The following STPG2 variants were observed in gnomAD, a reference collection of about 807,000 sequenced individuals.
STPG2 encodes the protein sperm-tail PG-rich repeat-containing protein 2.
STPG2 carries 56 observed loss-of-function variants against 54.2 expected under a neutral mutation model. That is an observed-to-expected ratio of 1.03 (90% CI 0.83 to 1.29). STPG2 has a LOEUF of 1.29. Ranked by LOEUF, STPG2 falls within the 50% of genes most tolerant of loss-of-function variation. The pLI, the probability that STPG2 is intolerant of heterozygous loss-of-function variation, is 0.00. For synonymous variants in STPG2, 200 were observed against 181.8 expected (o/e 1.10, Z -0.81); for missense variants, 596 against 544.9 (o/e 1.09, Z -0.93).
At chr4:97,952,878 T>C (rs971761061) in intron 7 of STPG2, among the ~76,000 whole-genome samples, 6 of 152,048 alleles carry the variant, frequency 3.9e-5, no homozygotes, top group Admixed American at 3.3e-4. Context: ...TCTGGGCACA[T>C]TGTTGTTCTA....
At chr4:97,891,505 A>C (rs925839541) in intron 8 of STPG2, among the ~76,000 whole-genome samples, 3 of 152,110 alleles carry the variant, frequency 2.0e-5, no homozygotes, top group African/African-American at 7.2e-5. Flanking sequence ...AAAATGATAT[A>C]TCTAAATAGC....
At chr4:97,568,176 T>A (rs75441567) in intron 10 of STPG2, among the ~76,000 whole-genome samples, 2,613 of 152,256 alleles carry the variant, frequency 0.017, 68 homozygotes, top group African/African-American at 0.058. Flanking sequence ...TTAAAAAAAA[T>A]TAGTCCAAAA....
intron 9 of STPG2, among the ~76,000 whole-genome samples, chr4:97,719,572 CAAAT>C (rs1724386539): frequency 1.3e-5 from 2 of 151,876 alleles, no homozygotes; most frequent in African/African-American, 2.4e-5. Context: ...AGTTTTCTCT[CAAAT>C]AATCTTGGTA....
At chr4:97,597,905 A>G (rs1733341669) in intron 10 of STPG2, among the ~76,000 whole-genome samples, 1 of 152,180 alleles carries the variant, frequency 6.6e-6, no homozygotes, top group Admixed American at 6.5e-5. Context: ...AGAGAAAGAA[A>G]TAAAAGGCAT....
chr4:97,679,519 G>C (rs1722960805), intron 10 of STPG2, among the ~76,000 whole-genome samples: 1 of 151,470 alleles, frequency 6.6e-6, no homozygotes, highest in South Asian at 2.1e-4. Context: ...GTAGATTCTG[G>C]ATATTAGCCC....
rs574530318 is a variant in STPG2, at chr4:97,811,392, A to G, written c.1204+29381T>C. ...CAGCCTTTGATGAATTTCCTTCATA[A>G]CATGGTTTTAGTGAAGCAAACATTT... is the stretch of plus-strand genomic sequence containing the variant. On this transcript the variant is annotated intron_variant, in intron 9 of 10. Coordinates refer to ENST00000295268, the MANE Select transcript of STPG2 (RefSeq NM_174952.3). Among the ~76,000 whole-genome samples, 21 of 152,312 alleles carry G rather than the reference A, an allele frequency of 1.4e-4. No homozygotes were observed. The South Asian group carries it at 3.3e-3, about 24-fold the overall frequency.
At chr4:97,869,271 GCTCTAAAATGCC>G (rs1342874763) in intron 8 of STPG2, among the ~76,000 whole-genome samples, 1 of 151,452 alleles carries the variant, frequency 6.6e-6, no homozygotes, top group Non-Finnish European at 1.5e-5. Context: ...ACTAAAATTA[GCTCTAAAATGCC>G]CTCTAAAATG....
intron 9 of STPG2, 149 bp from the exon 10 acceptor site, chr4:97,712,963 GGTTTAT>G: frequency 1.2e-5 from 6 of 480,834 alleles, no homozygotes; most frequent in Non-Finnish European, 2.2e-5. Context: ...AAAATCATTT[GGTTTAT>G]GTCTTTGAAA....
rs12650321 is a variant in STPG2 at position 97,962,731 on chromosome 4, T to C, written c.933+9549A>G. Among the ~76,000 whole-genome samples, 396 of 152,340 alleles carry C rather than the reference T, an allele frequency of 2.6e-3. 12 individuals are homozygous for C. The East Asian group carries it at 0.073, about 28-fold the overall frequency. On this transcript the variant is annotated intron_variant, in intron 7 of 10. Coordinates refer to ENST00000295268, the MANE Select transcript of STPG2 (RefSeq NM_174952.3). ...GTATGTACTATTATGATCTTCATTTTACTAAGTACAAAGAGTTTAAATAAC... is the reference window on the plus strand; with the variant it reads ...GTATGTACTATTATGATCTTCATTTCACTAAGTACAAAGAGTTTAAATAAC...
At chr4:97,700,717 G>A (rs975749558) in intron 10 of STPG2, among the ~76,000 whole-genome samples, 3 of 152,186 alleles carry the variant, frequency 2.0e-5, no homozygotes, top group Non-Finnish European at 4.4e-5. Flanking sequence ...ATAAGATTAT[G>A]ACAAAAAGCC....
intron 5 of STPG2, among the ~76,000 whole-genome samples, chr4:98,085,715 A>G (rs1489657840): frequency 6.6e-6 from 1 of 152,000 alleles, no homozygotes; most frequent in Non-Finnish European, 1.5e-5. Flanking sequence ...TTATTTTTCT[A>G]TGTTAATCTC....
intron 8 of STPG2, among the ~76,000 whole-genome samples, chr4:97,894,216 T>C (rs1323562987): frequency 6.6e-6 from 1 of 151,944 alleles, no homozygotes; most frequent in East Asian, 1.9e-4. Flanking sequence ...TTCACATGCC[T>C]TTTTTGTAAT....
chr4:97,873,196 C>A (rs2149156994), intron 8 of STPG2, among the ~76,000 whole-genome samples: 1 of 151,202 alleles, frequency 6.6e-6, no homozygotes, highest in East Asian at 1.9e-4. Context: ...TCCCTTCCTT[C>A]CTTCTTTCCT....
chr4:97,981,198 C>G lies in STPG2; in HGVS notation c.733G>C (p.Val245Leu), dbSNP rs759785509. ...GTCCTGATGTCCTGTGTGAATCGAA[C>G]AGCACTTTGACCAAATGGAATATTT... ...LKNIPFGQSA[V>L]RFTQDIRTEE... Residue 245 changes from valine to leucine, a missense_variant, in exon 6 of 11, where the codon GTT becomes CTT. Coordinates refer to ENST00000295268, the MANE Select transcript of STPG2 (RefSeq NM_174952.3). The G allele has an allele frequency of 6.2e-7, 1 of 1,613,976 alleles. No homozygotes were observed.
chr4:97,492,757 A>G (rs1475520948), intron 4 of STPG2, among the ~76,000 whole-genome samples: 2 of 151,214 alleles, frequency 1.3e-5, no homozygotes, highest in African/African-American at 4.8e-5. Flanking sequence ...ACTAAATTGA[A>G]TAACTTATGA....
At chr4:97,911,921 C>T (rs140817070) in intron 8 of STPG2, among the ~76,000 whole-genome samples, 127 of 152,204 alleles carry the variant, frequency 8.3e-4, no homozygotes, top group African/African-American at 2.9e-3. Flanking sequence ...ACACCTCCTA[C>T]AGGAATATTT....
chr4:97,608,679 A>G (rs1020488073), intron 10 of STPG2, among the ~76,000 whole-genome samples: 1 of 151,968 alleles, frequency 6.6e-6, no homozygotes, highest in Non-Finnish European at 1.5e-5. Flanking sequence ...TAAGCAGGAG[A>G]GATATATGTG....
At chr4:97,887,294 G>A (rs997458358) in intron 8 of STPG2, among the ~76,000 whole-genome samples, 3 of 152,174 alleles carry the variant, frequency 2.0e-5, no homozygotes, top group African/African-American at 7.2e-5. Context: ...AATTACTAGA[G>A]ACTGGTTCAA....
intron 10 of STPG2, among the ~76,000 whole-genome samples, chr4:97,589,945 C>T (rs1733094648): frequency 6.6e-6 from 1 of 152,136 alleles, no homozygotes; most frequent in Non-Finnish European, 1.5e-5. Context: ...TTATTAAACC[C>T]TCTATGGTGT....
Sources: allele counts gnomAD v4.1 joint callset (sites outside exome capture counted in the v4.1 genomes callset), GRCh38; gene constraint gnomAD v4.1.1; transcripts MANE v1.5; gene names NCBI Gene and HGNC (gene_info 2026-07-23, HGNC 2026-07-21).